PDE3B: variants seen among roughly 807,000 people sequenced by gnomAD.
The protein encoded by PDE3B is phosphodiesterase 3B, also known as cGMP-inhibited 3',5'-cyclic phosphodiesterase 3B.
Under a neutral mutation model 116.8 loss-of-function variants are expected in PDE3B, and 66 were observed. The observed-to-expected ratio is 0.56, with a 90% confidence interval of 0.46 to 0.69. The LOEUF is 0.69. PDE3B is among the 30% of genes least tolerant of loss of function. The pLI, the probability that PDE3B is intolerant of heterozygous loss-of-function variation, is 0.00. For missense variants in PDE3B, 1,384 were observed against 1,368.1 expected (o/e 1.01, Z -0.18); for synonymous variants, 595 against 533.6 (o/e 1.12, Z -1.59).
At chr11:14,833,033 C>G (rs1237213483) in intron 10 of PDE3B, among the ~76,000 whole-genome samples, 200 bp downstream of exon 10, 1 of 151,958 alleles carries the variant, frequency 6.6e-6, no homozygotes, top group Non-Finnish European at 1.5e-5. Context: ...CCACTGCAAC[C>G]TCCGCCCCCC....
chr11:14,898,037 A>C, the PDE3B span, among the ~76,000 whole-genome samples: 2 of 152,276 alleles, frequency 1.3e-5, no homozygotes, highest in East Asian at 3.9e-4. Flanking sequence ...TAGACACATC[A>C]TGGAACCTGA....
chr11:14,848,581 T>G (rs1324308133), intron 12 of PDE3B, among the ~76,000 whole-genome samples: 1 of 152,164 alleles, frequency 6.6e-6, no homozygotes, highest in African/African-American at 2.4e-5. Flanking sequence ...ATTGTATATC[T>G]AGAAAACCCC....
At chr11:14,896,661 C>T in the PDE3B span, among the ~76,000 whole-genome samples, 1 of 152,128 alleles carries the variant, frequency 6.6e-6, no homozygotes, top group African/African-American at 2.4e-5. Flanking sequence ...CCAGGGACTC[C>T]CCCATGATCG....
intron 1 of PDE3B, among the ~76,000 whole-genome samples, chr11:14,745,960 A>G (rs1169835744): frequency 2.0e-5 from 3 of 152,218 alleles, no homozygotes; most frequent in African/African-American, 7.2e-5. Flanking sequence ...TAGTTATTCC[A>G]TATCCCCATG....
At chr11:14,708,785 TAG>T (rs374520699) in intron 1 of PDE3B, among the ~76,000 whole-genome samples, 4 of 151,334 alleles carry the variant, frequency 2.6e-5, no homozygotes, top group African/African-American at 4.8e-5. Flanking sequence ...TATATATATA[TAG>T]AGAGAGAGAA....
chr11:14,874,501 A>C (rs898519708), downstream of PDE3B, among the ~76,000 whole-genome samples: 3 of 152,274 alleles, frequency 2.0e-5, no homozygotes, highest in East Asian at 5.8e-4. Flanking sequence ...CAGTGGCTAT[A>C]GTTATACTAT....
intron 1 of PDE3B, among the ~76,000 whole-genome samples, chr11:14,682,448 T>A (rs1854739774): frequency 6.6e-6 from 1 of 152,214 alleles, no homozygotes; most frequent in East Asian, 1.9e-4. Flanking sequence ...CCATTAAATA[T>A]GATGTTGGCT....
intron 11 of PDE3B, among the ~76,000 whole-genome samples, chr11:14,841,347 CTA>C (rs1011885632): frequency 4.3e-5 from 6 of 140,556 alleles, no homozygotes; most frequent in South Asian, 2.3e-4. Context: ...CTCTCTCTCT[CTA>C]TATATATATA....
chr11:14,717,978 G>A (rs1330430576), intron 1 of PDE3B, among the ~76,000 whole-genome samples: 245 of 147,026 alleles, frequency 1.7e-3, no homozygotes, highest in African/African-American at 5.8e-3. Flanking sequence ...AGACTGGCAA[G>A]TTGGATAAAG....
chr11:14,651,001 C>G (rs984062509), intron 1 of PDE3B, among the ~76,000 whole-genome samples: 2 of 151,856 alleles, frequency 1.3e-5, no homozygotes, highest in Admixed American at 6.6e-5. Context: ...CAGGAGCATA[C>G]TAGTTTGCTA....
intron 1 of PDE3B, among the ~76,000 whole-genome samples, chr11:14,737,989 G>T (rs930042223): frequency 6.6e-6 from 1 of 152,124 alleles, no homozygotes; most frequent in Non-Finnish European, 1.5e-5. Flanking sequence ...TGGTGTATAT[G>T]TGCCACATTT....
intron 4 of PDE3B, among the ~76,000 whole-genome samples, chr11:14,793,429 G>C (rs1858452327): frequency 6.6e-6 from 1 of 152,050 alleles, no homozygotes; most frequent in South Asian, 2.1e-4. Context: ...TTTTAACTGT[G>C]ACCCATCTCA....
At chr11:14,757,412 C>A (rs1209200271) in intron 1 of PDE3B, among the ~76,000 whole-genome samples, 1 of 148,048 alleles carries the variant, frequency 6.8e-6, no homozygotes, top group African/African-American at 2.5e-5. Context: ...AGTTTACAGT[C>A]CCACCAACAG....
At chr11:14,656,938 T>G (rs1019877166) in intron 1 of PDE3B, among the ~76,000 whole-genome samples, 8 of 152,148 alleles carry the variant, frequency 5.3e-5, no homozygotes, top group Non-Finnish European at 1.0e-4. Flanking sequence ...ATCCTTTCCA[T>G]AAGGGATTAT....
At chr11:14,702,964 C>T (rs1056707471) in intron 1 of PDE3B, among the ~76,000 whole-genome samples, 1 of 151,916 alleles carries the variant, frequency 6.6e-6, no homozygotes, top group African/African-American at 2.4e-5. Context: ...TGCTACCTTA[C>T]TCATTTCCAC....
chr11:14,644,401 G>A lies in PDE3B; in HGVS notation c.326G>A (p.Arg109Gln), dbSNP rs1213456671. Residue 109 changes from arginine to glutamine, a missense_variant, in exon 1 of 16, where the codon CGG becomes CAG. Arg to Gln is a conservative substitution (Grantham distance 43). Around this residue, in one of 2 missense-constraint regions of PDE3B, gnomAD observed 956 missense variants for 806.8 expected, o/e 1.18. Coordinates refer to ENST00000282096, the MANE Select transcript of PDE3B (RefSeq NM_000922.4). ...ESWAAGAAWL[R>Q]TLLSVCSHSL... ...TGGGCTGCCGGGGCCGCCTGGCTGC[G>A]GACGCTGCTGAGCGTGTGTTCGCAC... The A allele has an allele frequency of 1.2e-6, 2 of 1,605,964 alleles. No individual in the cohort carries two copies. Among genetic ancestry groups the A allele is most frequent in the South Asian group, 1.1e-5 (1 of 90,116 alleles).
chr11:14,693,891 T>C (rs1855124202), intron 1 of PDE3B, among the ~76,000 whole-genome samples: 1 of 152,154 alleles, frequency 6.6e-6, no homozygotes, highest in Non-Finnish European at 1.5e-5. Flanking sequence ...GCAAAGTAAT[T>C]GAAAAACCTG....
downstream of PDE3B, among the ~76,000 whole-genome samples, chr11:14,875,041 A>C (rs184259411): frequency 6.6e-6 from 1 of 152,230 alleles, no homozygotes; most frequent in East Asian, 1.9e-4. Context: ...ATAGGAACCC[A>C]ATTTATTTAT....
chr11:14,668,171 C>T (rs1478978251), intron 1 of PDE3B, among the ~76,000 whole-genome samples: 1 of 152,050 alleles, frequency 6.6e-6, no homozygotes, highest in South Asian at 2.1e-4. Context: ...TTTTCTGAGA[C>T]AGTATCGACG....
Sources: allele counts gnomAD v4.1 joint callset (sites outside exome capture counted in the v4.1 genomes callset), GRCh38; gene constraint gnomAD v4.1.1; regional missense constraint gnomAD v4.1.1; transcripts MANE v1.5; gene names NCBI Gene and HGNC (gene_info 2026-07-23, HGNC 2026-07-21).